The following LRRC7 variants were observed in gnomAD, a reference collection of about 807,000 sequenced individuals.
LRRC7 encodes the protein leucine-rich repeat-containing protein 7.
A neutral mutation model predicts 175.7 loss-of-function variants in LRRC7; 23 were observed. That is an observed-to-expected ratio of 0.13 (90% CI 0.09 to 0.19). The LOEUF is 0.19. Among genes scored for constraint, LRRC7 ranks in the 10% least tolerant of loss-of-function variants. The probability of loss-of-function intolerance (pLI) is 1.00; values close to 1 mark genes in which losing one functional copy is unlikely to be tolerated. For missense variants in LRRC7, 1,354 were observed against 1,904.7 expected (o/e 0.71, Z 5.38); for synonymous variants, 685 against 680.9 (o/e 1.01, Z -0.09).
intron 26 of LRRC7, among the ~76,000 whole-genome samples, chr1:70,120,876 T>C (rs1043757134): frequency 1.3e-5 from 2 of 152,090 alleles, no homozygotes; most frequent in African/African-American, 4.8e-5. Flanking sequence ...TAAGGTTGTA[T>C]TTAGTTTTGC....
At chr1:69,972,088 G>A (rs558400959) in intron 8 of LRRC7, among the ~76,000 whole-genome samples, 2 of 152,248 alleles carry the variant, frequency 1.3e-5, no homozygotes, top group East Asian at 3.9e-4. Context: ...GAATGAAACT[G>A]GATCCTCATC....
At position 69,899,296 on chromosome 1, in the gene LRRC7, C is replaced by T. The variant is rs183645045; in HGVS notation, c.648-32211C>T. Among the ~76,000 whole-genome samples the T allele has an allele frequency of 2.6e-5, 4 of 152,198 alleles. No individual in the cohort carries two copies. In the East Asian group the frequency reaches 7.7e-4, roughly 29 times the overall value. On this transcript the variant is annotated intron_variant, in intron 7 of 26. Transcript: ENST00000651989. ...TTGTTTATGATCAGCAGGGAAATAC[C>T]ATAGCATAGGTGGTTGTAACCAGAC...
At chr1:70,113,818 C>T (rs992613512) in intron 26 of LRRC7, among the ~76,000 whole-genome samples, 1 of 152,136 alleles carries the variant, frequency 6.6e-6, no homozygotes, top group African/African-American at 2.4e-5. Flanking sequence ...ACTAAACAGG[C>T]TAAGAACTCT....
In LRRC7 at chr1:69,912,777, C is replaced by T. The variant is rs1055330225; in HGVS notation, c.648-18730C>T. ...AGAAAGTAATAAAATTCAGGTTTCT[C>T]TTCAGTCTAATTAAACCCTTCATTA... On this transcript the variant is annotated intron_variant, in intron 7 of 26. Transcript: ENST00000651989. Among the ~76,000 whole-genome samples, 3 of 152,176 alleles carry T rather than the reference C, an allele frequency of 2.0e-5. 1 individual carries two copies. The highest frequency in any genetic ancestry group is 4.4e-5 in the Non-Finnish European group (3 of 68,026).
intron 4 of LRRC7, 26 bp from the exon 5 acceptor site, chr1:69,825,722 T>G: frequency 1.4e-6 from 2 of 1,433,332 alleles, no homozygotes; most frequent in South Asian, 2.4e-5. Flanking sequence ...AACATTTTCA[T>G]GTACTTTGTT....
chr1:70,075,431 G>A (rs1167516834), intron 23 of LRRC7, among the ~76,000 whole-genome samples: 2 of 152,138 alleles, frequency 1.3e-5, no homozygotes, highest in Non-Finnish European at 2.9e-5. Context: ...ATCATTATCG[G>A]TTTAAATAAA....
intron 8 of LRRC7, among the ~76,000 whole-genome samples, chr1:69,933,695 C>G (rs1226236791): frequency 6.6e-6 from 1 of 152,124 alleles, no homozygotes; most frequent in Non-Finnish European, 1.5e-5. Context: ...GTATATTATT[C>G]TGCAAGTGCT....
intron 4 of LRRC7, among the ~76,000 whole-genome samples, chr1:69,821,464 T>C (rs1679289264): frequency 6.6e-6 from 1 of 152,170 alleles, no homozygotes; most frequent in Non-Finnish European, 1.5e-5. Flanking sequence ...ATTTAACTTC[T>C]TGTTTTGTTC....
At chr1:70,049,271 A>G (rs189496297) in intron 22 of LRRC7, among the ~76,000 whole-genome samples, 1 of 152,280 alleles carries the variant, frequency 6.6e-6, no homozygotes, top group East Asian at 1.9e-4. Context: ...AGAGAAATTT[A>G]GATAGCAATA....
At chr1:70,120,446 A>C (rs1329224475) in intron 26 of LRRC7, among the ~76,000 whole-genome samples, 1 of 152,022 alleles carries the variant, frequency 6.6e-6, no homozygotes, top group Non-Finnish European at 1.5e-5. Context: ...TCTTTACTAC[A>C]TCATTAGTCA....
chr1:69,711,936 A>G (rs907556850), intron 2 of LRRC7, among the ~76,000 whole-genome samples: 5 of 152,134 alleles, frequency 3.3e-5, no homozygotes, highest in Non-Finnish European at 7.3e-5. Flanking sequence ...TGCTGGTGAG[A>G]ATTAGCATGT....
intron 5 of LRRC7, among the ~76,000 whole-genome samples, chr1:69,830,741 T>A (rs954981494): frequency 6.6e-6 from 1 of 151,914 alleles, no homozygotes; most frequent in African/African-American, 2.4e-5. Flanking sequence ...AAAACATAGA[T>A]GTCGTTAAAT....
At chr1:70,032,407 G>A (rs1324777948) in intron 18 of LRRC7, among the ~76,000 whole-genome samples, 1 of 149,480 alleles carries the variant, frequency 6.7e-6, no homozygotes, top group Non-Finnish European at 1.5e-5. Context: ...AAAAAAAAAA[G>A]CACAAAACAG....
At chr1:69,968,275 T>C (rs994524121) in intron 8 of LRRC7, among the ~76,000 whole-genome samples, 3 of 151,844 alleles carry the variant, frequency 2.0e-5, no homozygotes, top group Admixed American at 2.0e-4. Context: ...AATAAGGAAA[T>C]ATGAACAAAG....
chr1:69,942,837 A>G (rs1039354959), intron 8 of LRRC7, among the ~76,000 whole-genome samples: 2 of 152,260 alleles, frequency 1.3e-5, no homozygotes, highest in African/African-American at 2.4e-5. Context: ...TTAGGATGTG[A>G]ACATCTTTGG....
At chr1:69,749,991 G>A (rs562419193) in intron 2 of LRRC7, among the ~76,000 whole-genome samples, 45 of 151,934 alleles carry the variant, frequency 3.0e-4, no homozygotes, top group African/African-American at 1.0e-3. Context: ...AACCCGGGAG[G>A]TGGAGGTTGC....
Position 70,143,745 on chromosome 1 carries a change from A to T in LRRC7, c.*21858A>T, listed in dbSNP as rs1027456813. 2.7e-5 allele frequency: 4 copies of T among 148,656 alleles called. No individual in the cohort carries two copies. The highest frequency in any genetic ancestry group is 2.1e-4 in the South Asian group (1 of 4,784). 9.2% of individuals were successfully genotyped at this position (148,656 alleles called of 1,614,324 possible). A position where few individuals can be genotyped will look rare whatever the true frequency, so the allele number is the denominator to read the frequency against. On this transcript the variant is annotated 3_prime_UTR_variant, in exon 27 of 27. Coordinates refer to ENST00000651989, the MANE Select transcript of LRRC7 (RefSeq NM_001370785.2). ...TAATAATACAATTTTACCATTTTATAAAAAAAATCAAATCACAACATGTTT... is the reference window on the plus strand; with the variant it reads ...TAATAATACAATTTTACCATTTTATTAAAAAAATCAAATCACAACATGTTT...
intron 10 of LRRC7, among the ~76,000 whole-genome samples, chr1:69,990,328 G>A (rs954508522): frequency 1.1e-4 from 16 of 152,016 alleles, no homozygotes; most frequent in African/African-American, 3.6e-4. Flanking sequence ...AAGGGCAAAA[G>A]TAGAGAGAAG....
chr1:70,063,892 G>T (rs1440312114), intron 23 of LRRC7, among the ~76,000 whole-genome samples: 1 of 151,954 alleles, frequency 6.6e-6, no homozygotes, highest in Non-Finnish European at 1.5e-5. Context: ...AATCATAGGA[G>T]AATGTACTTA....
Sources: gnomAD v4.1 joint callset for allele counts (sites outside exome capture counted in the v4.1 genomes callset) on GRCh38, gnomAD v4.1.1 for gene constraint, MANE v1.5 for transcripts, NCBI Gene and HGNC (gene_info 2026-07-23, HGNC 2026-07-21) for gene names.